The following ANKFN1 variants were observed in gnomAD, a reference collection of about 807,000 sequenced individuals.
ANKFN1 encodes ankyrin repeat and fibronectin type-III domain-containing protein 1.
A neutral mutation model predicts 108.7 loss-of-function variants in ANKFN1; 74 were observed. The observed-to-expected ratio is 0.68, with a 90% CI of 0.56 to 0.83. ANKFN1 has a LOEUF of 0.83. Ranked by LOEUF, ANKFN1 falls within the 40% of genes least tolerant of loss-of-function variation. The probability of loss-of-function intolerance (pLI) is 0.00; values close to 1 mark genes in which losing one functional copy is unlikely to be tolerated. For synonymous variants in ANKFN1, 547 were observed against 516.2 expected, an observed-to-expected ratio of 1.06 and a Z score of -0.81; for missense variants, 1,505 against 1,382.3, an observed-to-expected ratio of 1.09 and a Z score of -1.41.
At chr17:56,469,485 A>G (rs1433173705) in intron 15 of ANKFN1, among the ~76,000 whole-genome samples, 2 of 152,284 alleles carry the variant, frequency 1.3e-5, no homozygotes, top group East Asian at 3.9e-4. Context: ...TGGTGGAGTG[A>G]TGACCACCAG....
chr17:56,234,426 T>C (rs941271145), intron 3 of ANKFN1, among the ~76,000 whole-genome samples: 6 of 152,026 alleles, frequency 3.9e-5, no homozygotes, highest in Non-Finnish European at 7.4e-5. Context: ...CAGGAATTTG[T>C]TGTACAGATT....
At chr17:56,339,228 A>C (rs921653443) in intron 4 of ANKFN1, among the ~76,000 whole-genome samples, 2 of 152,250 alleles carry the variant, frequency 1.3e-5, no homozygotes, top group East Asian at 3.9e-4. Context: ...AAATACAAAA[A>C]TAAAAGATAA....
chr17:56,370,508 C>T (rs143876401), intron 6 of ANKFN1, among the ~76,000 whole-genome samples: 18 of 152,192 alleles, frequency 1.2e-4, no homozygotes, highest in Non-Finnish European at 1.8e-4. Context: ...CAAGTGTTGA[C>T]GCATGCATGC....
At chr17:56,442,966 G>T (rs1257616363) in intron 10 of ANKFN1, 33 bp downstream of exon 10, 3 of 1,603,436 alleles carry the variant, frequency 1.9e-6, no homozygotes, top group Non-Finnish European at 2.6e-6. Flanking sequence ...CTCCAGCATG[G>T]TAACAGACTC....
intron 1 of ANKFN1, among the ~76,000 whole-genome samples, chr17:56,196,814 T>A (rs561129584): frequency 6.6e-6 from 1 of 152,328 alleles, no homozygotes; most frequent in Admixed American, 6.5e-5. Flanking sequence ...CCATAGCTGT[T>A]CTGGTGCCTG....
chr17:56,274,329 T>C (rs995994535), intron 3 of ANKFN1, among the ~76,000 whole-genome samples: 9 of 152,096 alleles, frequency 5.9e-5, no homozygotes, highest in Middle Eastern at 3.4e-3. Context: ...AAAAATTAGC[T>C]GGGCGTGGTG....
chr17:56,467,727 G>C (rs547338734), intron 15 of ANKFN1, among the ~76,000 whole-genome samples: 160 of 133,228 alleles, frequency 1.2e-3, no homozygotes, highest in African/African-American at 4.2e-3. Context: ...AAGAAAGAAA[G>C]AGAGAAAGAA....
At position 56,230,288 on chromosome 17, in the gene ANKFN1, CCTT is replaced by C. The variant is rs1351208822; in HGVS notation, c.53+2333_53+2335del. Among the ~76,000 whole-genome samples the C allele has an allele frequency of 1.3e-4, 20 of 152,172 alleles. No homozygotes were observed. The East Asian group carries it at 3.9e-3, about 29-fold the overall frequency. ...GCTAATGGCTAAGTCCCAGTTCACT[CCTT>C]CAGTAGTATAATTTGGAGTATGTTA... On this transcript the variant is annotated intron_variant, in intron 3 of 20. Coordinates refer to ENST00000682825, the MANE Select transcript of ANKFN1 (RefSeq NM_001370326.1).
intron 4 of ANKFN1, among the ~76,000 whole-genome samples, chr17:56,147,044 C>G (rs1406545243): frequency 6.6e-6 from 1 of 152,170 alleles, no homozygotes; most frequent in East Asian, 1.9e-4. Flanking sequence ...AGGGCAAGGG[C>G]AAAATGGCAC....
intron 2 of ANKFN1, among the ~76,000 whole-genome samples, chr17:56,214,079 G>A (rs1915243859): frequency 6.6e-6 from 1 of 152,158 alleles, no homozygotes; most frequent in Non-Finnish European, 1.5e-5. Context: ...AAACATTTTA[G>A]TATTAACACA....
At chr17:56,247,416 A>G (rs1419736107) in intron 3 of ANKFN1, among the ~76,000 whole-genome samples, 1 of 152,236 alleles carries the variant, frequency 6.6e-6, no homozygotes, top group Non-Finnish European at 1.5e-5. Flanking sequence ...CCTTGGGCTA[A>G]CAACCCTAGG....
chr17:56,420,537 G>A (rs551456810), intron 8 of ANKFN1, among the ~76,000 whole-genome samples: 3 of 152,112 alleles, frequency 2.0e-5, no homozygotes, highest in South Asian at 4.2e-4. Context: ...TATACCTAGG[G>A]TGCAGGTAAT....
At chr17:56,354,075 C>T (rs1233256269) in intron 6 of ANKFN1, 29 bp downstream of exon 6, 2 of 1,603,416 alleles carry the variant, frequency 1.2e-6, no homozygotes, top group Admixed American at 3.4e-5. Flanking sequence ...AACACATGTA[C>T]TATTAAAGCC....
intron 4 of ANKFN1, among the ~76,000 whole-genome samples, chr17:56,099,368 G>C (rs1490558841): frequency 6.6e-6 from 1 of 152,174 alleles, no homozygotes; most frequent in Non-Finnish European, 1.5e-5. Flanking sequence ...ATTTTAGACT[G>C]GGAGGAGTTG....
At chr17:56,220,732 A>G in intron 2 of ANKFN1, among the ~76,000 whole-genome samples, 1 of 144,918 alleles carries the variant, frequency 6.9e-6, no homozygotes, top group African/African-American at 2.6e-5. Flanking sequence ...GAAAAGGAAA[A>G]GGGAAAGGGA....
chr17:56,438,408 G>A (rs2048992796), intron 8 of ANKFN1, among the ~76,000 whole-genome samples: 1 of 152,144 alleles, frequency 6.6e-6, no homozygotes, highest in South Asian at 2.1e-4. Context: ...GAATTTAGAA[G>A]AGTAATATAT....
At chr17:56,283,424 A>G (rs551776988) in intron 3 of ANKFN1, among the ~76,000 whole-genome samples, 1 of 152,162 alleles carries the variant, frequency 6.6e-6, no homozygotes, top group East Asian at 1.9e-4. Context: ...CGAAAAAGAT[A>G]ACTTGCACAC....
At chr17:56,463,023 A>AT (rs1323247980) in intron 14 of ANKFN1, among the ~76,000 whole-genome samples, 1 of 152,170 alleles carries the variant, frequency 6.6e-6, no homozygotes, top group Non-Finnish European at 1.5e-5. Context: ...ATCACAGTGC[A>AT]TATCAAGCAC....
chr17:56,080,916 A>G (rs1905238109), intron 4 of ANKFN1, among the ~76,000 whole-genome samples: 1 of 152,206 alleles, frequency 6.6e-6, no homozygotes, highest in African/African-American at 2.4e-5. Context: ...CTGATGGCTT[A>G]TCACGCAATC....
Sources: gnomAD v4.1 joint callset for allele counts (sites outside exome capture counted in the v4.1 genomes callset) on GRCh38, gnomAD v4.1.1 for gene constraint, MANE v1.5 for transcripts, NCBI Gene and HGNC (gene_info 2026-07-23, HGNC 2026-07-21) for gene names.